The following SAXO1 variants were observed in gnomAD, a reference collection of about 807,000 sequenced individuals.
SAXO1 encodes 4930500O09Rik.
SAXO1 carries 21 observed loss-of-function variants against 17.5 expected under a neutral mutation model. The observed-to-expected ratio is 1.20, with a 90% CI of 0.85 to 1.72. The LOEUF (loss-of-function observed/expected upper bound fraction) is 1.72, where lower values mean the gene tolerates loss of function less well. Ranked by LOEUF, SAXO1 falls within the 40% of genes most tolerant of loss-of-function variation. The pLI, the probability that SAXO1 is intolerant of heterozygous loss-of-function variation, is 0.00. For synonymous variants in SAXO1, 274 were observed against 216.5 expected, an observed-to-expected ratio of 1.27 and a Z score of -2.33; for missense variants, 843 against 596.0, an observed-to-expected ratio of 1.41 and a Z score of -4.32.
intron 1 of SAXO1, among the ~76,000 whole-genome samples, chr9:18,957,500 C>A (rs1832301978): frequency 6.6e-6 from 1 of 152,156 alleles, no homozygotes; most frequent in South Asian, 2.1e-4. Flanking sequence ...AAAGTTCAGA[C>A]TCTTAAAGGA....
At chr9:18,978,361 C>A (rs960659395) in intron 1 of SAXO1, among the ~76,000 whole-genome samples, 1 of 152,192 alleles carries the variant, frequency 6.6e-6, no homozygotes, top group African/African-American at 2.4e-5. Context: ...TGCCTTCTCA[C>A]CCCAGAAAAC....
At chr9:19,036,905 A>G (rs576329097), upstream of SAXO1, among the ~76,000 whole-genome samples, 10 of 152,346 alleles carry the variant, frequency 6.6e-5, no homozygotes, top group African/African-American at 2.2e-4. Context: ...ACTCATTGCC[A>G]GCCCATGAAA....
chr9:18,986,941 T>C (rs1370197382), intron 1 of SAXO1, among the ~76,000 whole-genome samples: 1 of 152,208 alleles, frequency 6.6e-6, no homozygotes. Flanking sequence ...CGTTTCTAAT[T>C]TGCATAAAGA....
At chr9:19,036,961 C>G (rs752099047), upstream of SAXO1, among the ~76,000 whole-genome samples, 1 of 152,188 alleles carries the variant, frequency 6.6e-6, no homozygotes, top group East Asian at 1.9e-4. Context: ...AGGGGAGGAG[C>G]TGTCCAAGAC....
chr9:19,044,491 G>A (rs9406757), intron 1 of SAXO1, among the ~76,000 whole-genome samples: 18,389 of 152,178 alleles, frequency 0.12, 1,164 homozygotes, highest in Admixed American at 0.14. Context: ...AACAAAAAAT[G>A]GGGTAAGAGA....
chr9:19,009,267 G>A (rs1361876842), intron 1 of SAXO1, among the ~76,000 whole-genome samples: 3 of 151,900 alleles, frequency 2.0e-5, no homozygotes, highest in African/African-American at 4.8e-5. Flanking sequence ...TTTAATCCCA[G>A]CAGAGCTAAG....
chr9:19,034,635 T>C (rs1424928195), upstream of SAXO1, among the ~76,000 whole-genome samples: 2 of 152,156 alleles, frequency 1.3e-5, no homozygotes, highest in Admixed American at 6.5e-5. Context: ...GCAAAGCTTA[T>C]TGATCATTCT....
At chr9:18,947,267 C>G (rs1181643303) in intron 2 of SAXO1, among the ~76,000 whole-genome samples, 1 of 152,192 alleles carries the variant, frequency 6.6e-6, no homozygotes, top group African/African-American at 2.4e-5. Flanking sequence ...GTGCAAGACT[C>G]AAGCCTGCTA....
chr9:18,942,619 C>A (rs959698831), intron 2 of SAXO1, among the ~76,000 whole-genome samples: 2 of 152,204 alleles, frequency 1.3e-5, no homozygotes, highest in East Asian at 3.8e-4. Flanking sequence ...CTGGTGTCTG[C>A]GCCCCCATTG....
At chr9:19,012,136 G>A (rs1418280818) in intron 1 of SAXO1, among the ~76,000 whole-genome samples, 4 of 152,114 alleles carry the variant, frequency 2.6e-5, no homozygotes, top group African/African-American at 7.2e-5. Context: ...GAGCCACCAC[G>A]CCCGGCAAGG....
At chr9:19,021,432 A>T (rs74701211) in intron 1 of SAXO1, among the ~76,000 whole-genome samples, 1 of 152,234 alleles carries the variant, frequency 6.6e-6, no homozygotes, top group African/African-American at 2.4e-5. Flanking sequence ...TCTGTGCCCC[A>T]TGTCCCCTTT....
In SAXO1 at chr9:18,938,385, T is replaced by C. The variant is rs565613635; in HGVS notation, c.421+3252A>G. ...GTTTCTGGGGAGGCCTCAGGGAGTT[T>C]TACTCATGGTGGAAGGCAAAGTGCA... On this transcript the variant is annotated intron_variant, in intron 3 of 3. Coordinates refer to ENST00000380534, the MANE Select transcript of SAXO1 (RefSeq NM_153707.4). 1.8e-4 allele frequency among the ~76,000 whole-genome samples: 28 copies of C among 152,146 alleles called. 1 individual carries two copies. In the Middle Eastern group the frequency reaches 0.01, roughly 55 times the overall value.
intron 1 of SAXO1, among the ~76,000 whole-genome samples, chr9:18,971,214 A>C (rs1832930580): frequency 1.3e-5 from 2 of 152,162 alleles, no homozygotes; most frequent in South Asian, 4.1e-4. Context: ...CTTGGTAGCC[A>C]ATGCCAAATT....
At chr9:18,997,846 C>T (rs1834073174) in intron 1 of SAXO1, among the ~76,000 whole-genome samples, 1 of 152,126 alleles carries the variant, frequency 6.6e-6, no homozygotes, top group African/African-American at 2.4e-5. Flanking sequence ...AGTGGACTTC[C>T]AGCAAACTCC....
intron 2 of SAXO1, among the ~76,000 whole-genome samples, chr9:18,944,137 C>G (rs986367681): frequency 1.8e-4 from 27 of 152,016 alleles, no homozygotes; most frequent in African/African-American, 6.5e-4. Context: ...AATTTAAGTT[C>G]CTTTGTAAGT....
chr9:18,960,426 G>A (rs956839236), intron 1 of SAXO1, among the ~76,000 whole-genome samples: 1 of 152,110 alleles, frequency 6.6e-6, no homozygotes, highest in Admixed American at 6.6e-5. Context: ...AGCCTTCCCT[G>A]TTACTTCCCT....
chr9:18,946,360 A>T (rs1410678724), intron 2 of SAXO1, among the ~76,000 whole-genome samples: 1 of 151,700 alleles, frequency 6.6e-6, no homozygotes, highest in South Asian at 2.1e-4. Context: ...AGAAACCTGG[A>T]AATGAGAGAG....
chr9:18,970,207 C>G (rs1331298457), intron 1 of SAXO1, among the ~76,000 whole-genome samples: 1 of 152,150 alleles, frequency 6.6e-6, no homozygotes, highest in Non-Finnish European at 1.5e-5. Context: ...TTAAATGTCT[C>G]ATAAAATTAA....
intron 1 of SAXO1, among the ~76,000 whole-genome samples, chr9:19,046,063 C>G (rs1239594945): frequency 3.9e-5 from 1 of 25,410 alleles, no homozygotes; most frequent in African/African-American, 1.8e-4. Flanking sequence ...GCCTGGGCAA[C>G]AAGAATGAAA....
Sources: allele counts gnomAD v4.1 joint callset (sites outside exome capture counted in the v4.1 genomes callset), GRCh38; gene constraint gnomAD v4.1.1; transcripts MANE v1.5; gene names NCBI Gene and HGNC (gene_info 2026-07-23, HGNC 2026-07-21).